YJU2B: variants seen among roughly 807,000 people sequenced by gnomAD.
YJU2B encodes the protein YJU2 splicing factor homolog B, also known as probable splicing factor YJU2B.
Under a neutral mutation model 38.0 loss-of-function variants are expected in YJU2B, and 18 were observed. The ratio of observed to expected loss-of-function variants is 0.47; its 90% confidence interval spans 0.33 to 0.70. YJU2B has a LOEUF of 0.70. Ranked by LOEUF, YJU2B falls within the 30% of genes least tolerant of loss-of-function variation. YJU2B has a pLI of 0.02. For synonymous variants in YJU2B, 246 were observed against 225.4 expected, an observed-to-expected ratio of 1.09 and a Z score of -0.82; for missense variants, 538 against 556.3, an observed-to-expected ratio of 0.97 and a Z score of 0.33.
At chr19:13,750,980 G>A (rs1191422057) in intron 1 of YJU2B, among the ~76,000 whole-genome samples, 1 of 152,122 alleles carries the variant, frequency 6.6e-6, no homozygotes, top group African/African-American at 2.4e-5. Context: ...CTGGAACAGA[G>A]TGAACGAGAG....
At chr19:13,755,000 G>C (rs1973609084) in intron 3 of YJU2B, among the ~76,000 whole-genome samples, 2 of 152,040 alleles carry the variant, frequency 1.3e-5, no homozygotes, top group South Asian at 4.2e-4. Context: ...ACGTCAGAAG[G>C]GGGAAATAAA....
rs1316946059 is a variant in YJU2B at position 13,757,276 on chromosome 19, A to G, written c.141-142A>G. The G allele has an allele frequency of 2.7e-5, 17 of 638,434 alleles. No individual in the cohort carries two copies. The Admixed American group carries it at 3.9e-4, about 15-fold the overall frequency. The allele number at this position is 638,434 out of a possible 1,614,324, so 39.5% of individuals were successfully genotyped here. ...TCTTCCATATATCCATTTCCTGTGT[A>G]ATGTGAGTGCAGCAACTCCCGTTAA... is the stretch of plus-strand genomic sequence containing the variant. On this transcript the variant is annotated intron_variant, in intron 4 of 9. Transcript: ENST00000221554.
intron 2 of YJU2B, among the ~76,000 whole-genome samples, chr19:13,739,481 A>G (rs956393467): frequency 2.8e-5 from 4 of 144,482 alleles, no homozygotes; most frequent in African/African-American, 5.1e-5. Context: ...ACTCTACTCT[A>G]TGGATTTGGA....
At chr19:13,747,428 G>A (rs1196435220), upstream of YJU2B, among the ~76,000 whole-genome samples, 1 of 152,218 alleles carries the variant, frequency 6.6e-6, no homozygotes, top group African/African-American at 2.4e-5. Flanking sequence ...CTTGGGCCCT[G>A]GAGTTCGAGA....
At chr19:13,751,291 TGTA>T (rs1471291924) in intron 1 of YJU2B, among the ~76,000 whole-genome samples, 1 of 152,024 alleles carries the variant, frequency 6.6e-6, no homozygotes, top group Non-Finnish European at 1.5e-5. Context: ...GGCGCACGCT[TGTA>T]GTCCCAGCTA....
Position 13,756,257 on chromosome 19 carries a change from T to G in YJU2B, c.118T>G (p.Ser40Ala). Residue 40 changes from serine (S) to alanine (A), a missense_variant, in exon 4 of 10, where the codon TCA (serine) becomes GCA (alanine). Around this residue, in one of 2 missense-constraint regions of YJU2B, gnomAD observed 50 missense variants for 86.9 expected, o/e 0.58. Coordinates refer to ENST00000221554, the MANE Select transcript of YJU2B (RefSeq NM_030818.4). ...GCTTCGGGAGCGGGCTCGGAAGCTGTCACAGGGCATCCTCATCATCCGGTA... is the reference window on the plus strand; with the variant it reads ...GCTTCGGGAGCGGGCTCGGAAGCTGGCACAGGGCATCCTCATCATCCGGTA... ...HPLRERARKL[S>A]QGILIIRFEM... The G allele has an allele frequency of 6.2e-7, 1 of 1,614,004 alleles. No individual in the cohort carries two copies. Among genetic ancestry groups the G allele is most frequent in the Non-Finnish European group, 8.5e-7 (1 of 1,179,956 alleles).
At chr19:13,762,013 C>G (rs1479450146) in intron 8 of YJU2B, among the ~76,000 whole-genome samples, 3 of 152,116 alleles carry the variant, frequency 2.0e-5, no homozygotes, top group Non-Finnish European at 4.4e-5. Context: ...CATGAACTAC[C>G]AGGCCCAGTC....
chr19:13,745,089 T>C (rs1463336327), upstream of YJU2B, among the ~76,000 whole-genome samples: 1 of 152,004 alleles, frequency 6.6e-6, no homozygotes, highest in East Asian at 1.9e-4. Flanking sequence ...GGGAACAAGG[T>C]TTAGCATGAG....
At chr19:13,762,045 A>C (rs1020359970) in intron 8 of YJU2B, among the ~76,000 whole-genome samples, 11 of 152,090 alleles carry the variant, frequency 7.2e-5, no homozygotes, top group Non-Finnish European at 1.0e-4. Context: ...AAATGTTTTA[A>C]TTAGCTGGGC....
intron 1 of YJU2B, 64 bp from the exon 2 acceptor site, chr19:13,751,544 G>A: frequency 2.0e-6 from 1 of 493,042 alleles, no homozygotes; most frequent in Admixed American, 3.6e-5. Context: ...ACAGAGGGAT[G>A]AAAGTGTCAG....
chr19:13,733,180 C>T (rs917573358), intron 2 of YJU2B, among the ~76,000 whole-genome samples: 48 of 151,926 alleles, frequency 3.2e-4, no homozygotes, highest in Admixed American at 2.8e-3. Flanking sequence ...CCACCTGTCT[C>T]GGCCTCCCAA....
At chr19:13,738,877 A>G (rs1973022276) in intron 2 of YJU2B, among the ~76,000 whole-genome samples, 1 of 143,972 alleles carries the variant, frequency 6.9e-6, no homozygotes, top group Non-Finnish European at 1.5e-5. Flanking sequence ...TGGATGACAG[A>G]GCAAGACTCT....
intron 3 of YJU2B, among the ~76,000 whole-genome samples, chr19:13,755,916 C>A (rs1323888619): frequency 6.6e-6 from 1 of 152,146 alleles, no homozygotes; most frequent in Admixed American, 6.6e-5. Context: ...CAAGGTCATG[C>A]CATTGCACTC....
chr19:13,759,092 C>G lies in YJU2B; in HGVS notation c.401-8C>G, dbSNP rs374818294. 88 of 1,613,388 alleles carry G rather than the reference C, an allele frequency of 5.5e-5. No homozygotes were observed. In the South Asian group the frequency reaches 8.2e-4, roughly 15 times the overall value. On this transcript the variant is annotated splice_region_variant and splice_polypyrimidine_tract_variant and intron_variant, in intron 7 of 9. Coordinates refer to ENST00000221554, the MANE Select transcript of YJU2B (RefSeq NM_030818.4). ...CCCCAAAGCCCAGCCGAGCTCTGATCGTTGCAGAGCATGAGAAGAAGCAGA... is the reference window on the plus strand; with the variant it reads ...CCCCAAAGCCCAGCCGAGCTCTGATGGTTGCAGAGCATGAGAAGAAGCAGA...
chr19:13,750,876 AAAAAG>A (rs1395672356), intron 1 of YJU2B, among the ~76,000 whole-genome samples: 1 of 151,288 alleles, frequency 6.6e-6, no homozygotes, highest in African/African-American at 2.4e-5. Context: ...AAAAAAAAAA[AAAAAG>A]CCTGTAACAA....
intron 1 of YJU2B, among the ~76,000 whole-genome samples, chr19:13,750,021 C>T (rs1050810789): frequency 6.6e-6 from 1 of 152,184 alleles, no homozygotes; most frequent in African/African-American, 2.4e-5. Flanking sequence ...GTGTCACCTG[C>T]ACTGACTGTG....
At position 13,756,716 on chromosome 19, in the gene YJU2B, TG is replaced by T. The variant is rs1266289523; in HGVS notation, c.140+438del. On this transcript the variant is annotated intron_variant, in intron 4 of 9. Transcript: ENST00000221554. ...GTAGTTGGGCACAGTGGGTCACGCC[TG>T]TAAACCCAGCACTTTGGGAGGGTGA... Among the ~76,000 whole-genome samples the T allele has an allele frequency of 2.0e-5, 3 of 152,104 alleles. 1 individual carries two copies. Among genetic ancestry groups the T allele is most frequent in the Non-Finnish European group, 4.4e-5 (3 of 68,030 alleles).
chr19:13,733,819 G>A (rs1484083643), intron 2 of YJU2B, among the ~76,000 whole-genome samples: 2 of 152,260 alleles, frequency 1.3e-5, no homozygotes, highest in Non-Finnish European at 2.9e-5. Context: ...CTGAAGGGGT[G>A]AAGATGGCTC....
intron 2 of YJU2B, among the ~76,000 whole-genome samples, chr19:13,735,081 C>T (rs1180386275): frequency 6.6e-6 from 1 of 152,136 alleles, no homozygotes; most frequent in Non-Finnish European, 1.5e-5. Flanking sequence ...TTTGGGAAGC[C>T]TAGGCGGGTG....
Sources: allele counts gnomAD v4.1 joint callset (sites outside exome capture counted in the v4.1 genomes callset), GRCh38; gene constraint gnomAD v4.1.1; regional missense constraint gnomAD v4.1.1; transcripts MANE v1.5; gene names NCBI Gene and HGNC (gene_info 2026-07-23, HGNC 2026-07-21).